TNIK: variants seen among roughly 807,000 people sequenced by gnomAD.
TNIK encodes the protein TRAF2 and NCK interacting kinase.
TNIK carries 49 observed loss-of-function variants against 191.3 expected under a neutral mutation model. That is an observed-to-expected ratio of 0.26 (90% CI 0.20 to 0.32). TNIK has a LOEUF of 0.32. Ranked by LOEUF, TNIK falls within the 10% of genes least tolerant of loss-of-function variation. The pLI, the probability that TNIK is intolerant of heterozygous loss-of-function variation, is 1.00. For synonymous variants in TNIK, 594 were observed against 600.9 expected (o/e 0.99, Z 0.17); for missense variants, 1,155 against 1,702.3 (o/e 0.68, Z 5.66).
At chr3:171,424,594 C>A (rs1056821697) in intron 1 of TNIK, among the ~76,000 whole-genome samples, 4 of 152,074 alleles carry the variant, frequency 2.6e-5, no homozygotes, top group Non-Finnish European at 5.9e-5. Context: ...AAATGTCCAA[C>A]AGTGATAGAC....
chr3:171,234,443 C>G (rs577215922), intron 2 of TNIK, among the ~76,000 whole-genome samples: 9 of 152,322 alleles, frequency 5.9e-5, no homozygotes, highest in African/African-American at 2.2e-4. Flanking sequence ...GGTACCGACT[C>G]AGGATGGTGC....
chr3:171,126,287 T>C (rs1041792710), intron 16 of TNIK, 136 bp from the exon 17 acceptor site: 70 of 1,088,966 alleles, frequency 6.4e-5, no homozygotes, highest in East Asian at 6.0e-4. Context: ...ATCACAACTA[T>C]ATATAGCATG....
Position 171,071,289 on chromosome 3 carries a change from G to A in TNIK, c.3483C>T (p.Ala1161=). 6.2e-7 allele frequency: 1 copy of A among 1,601,792 alleles called. No homozygotes were observed. Among genetic ancestry groups the A allele is most frequent in the Non-Finnish European group, 8.5e-7 (1 of 1,174,426 alleles). ...KYERIKFLVI[A]LKNAVEIYAW... ...CATATATTTCCACAGCATTCTTTAA[G>A]GCAATCACCAAAAATTTGATCCTTT... Residue 1161 remains alanine, a synonymous_variant, in exon 29 of 33, where the codon GCC becomes GCT. Coordinates refer to ENST00000436636, the MANE Select transcript of TNIK (RefSeq NM_015028.4).
At chr3:171,157,729 T>C in intron 11 of TNIK, 65 bp from the exon 12 acceptor site, 1 of 1,501,364 alleles carries the variant, frequency 6.7e-7, no homozygotes, top group Non-Finnish European at 9.0e-7. Context: ...CAAGAGGCCT[T>C]GGAGGAGGAA....
chr3:171,393,986 T>C (rs999687234), intron 1 of TNIK, among the ~76,000 whole-genome samples: 2 of 152,346 alleles, frequency 1.3e-5, no homozygotes, highest in South Asian at 4.1e-4. Context: ...TTTTAGTATA[T>C]AAAATAATAT....
chr3:171,134,175 G>A (rs1423341267), intron 15 of TNIK, among the ~76,000 whole-genome samples: 4 of 152,164 alleles, frequency 2.6e-5, no homozygotes, highest in Admixed American at 2.0e-4. Flanking sequence ...AAATTCTGCC[G>A]ATGTTCAACA....
intron 1 of TNIK, among the ~76,000 whole-genome samples, chr3:171,441,547 A>G (rs1009080240): frequency 2.0e-5 from 3 of 152,178 alleles, no homozygotes; most frequent in South Asian, 2.1e-4. Flanking sequence ...TTGTTTACCT[A>G]TCCATCAGTT....
intron 1 of TNIK, among the ~76,000 whole-genome samples, chr3:171,447,809 A>G (rs948946896): frequency 3.3e-5 from 5 of 152,220 alleles, no homozygotes; most frequent in Non-Finnish European, 7.3e-5. Context: ...TTGAAGCACT[A>G]TTTATCAGTT....
intron 2 of TNIK, among the ~76,000 whole-genome samples, chr3:171,244,004 A>T (rs1407620921): frequency 1.3e-5 from 2 of 151,998 alleles, no homozygotes; most frequent in East Asian, 3.9e-4. Flanking sequence ...AAAAAGCTCA[A>T]GTGCAGAAAA....
chr3:171,182,256 G>C (rs1736759334), intron 7 of TNIK, among the ~76,000 whole-genome samples: 1 of 129,896 alleles, frequency 7.7e-6, no homozygotes, highest in Admixed American at 9.7e-5. Context: ...TATATCCAAA[G>C]TTGCTTGTAA....
intron 22 of TNIK, among the ~76,000 whole-genome samples, chr3:171,094,372 G>A (rs1032868377): frequency 6.6e-6 from 1 of 152,028 alleles, no homozygotes; most frequent in Non-Finnish European, 1.5e-5. Flanking sequence ...TCCTGACCTC[G>A]TGATTTGCCC....
chr3:171,312,995 C>T (rs937029602), intron 2 of TNIK, among the ~76,000 whole-genome samples: 2 of 152,020 alleles, frequency 1.3e-5, no homozygotes, highest in South Asian at 2.1e-4. Context: ...ACGTGGATCT[C>T]GCATCCTCCC....
chr3:171,383,476 A>G (rs1718331220), intron 1 of TNIK, among the ~76,000 whole-genome samples: 1 of 152,206 alleles, frequency 6.6e-6, no homozygotes, highest in Non-Finnish European at 1.5e-5. Context: ...TGGCAACCTG[A>G]CTGGAATGCT....
chr3:171,343,533 T>C, intron 2 of TNIK, among the ~76,000 whole-genome samples: 1 of 152,106 alleles, frequency 6.6e-6, no homozygotes, highest in Non-Finnish European at 1.5e-5. Context: ...ATTTGAACAG[T>C]ATCAATGACT....
intron 2 of TNIK, chr3:171,347,367 T>TCTGCA: frequency 1.2e-5 from 9 of 727,408 alleles, no homozygotes; most frequent in African/African-American, 3.6e-5. Context: ...CCTGCAGAGC[T>TCTGCA]GGCCCTCAGC....
At chr3:171,195,320 C>A in intron 4 of TNIK, among the ~76,000 whole-genome samples, 1 of 152,202 alleles carries the variant, frequency 6.6e-6, no homozygotes, top group Non-Finnish European at 1.5e-5. Context: ...AAAAAGCCAT[C>A]TATGTGCTTT....
In TNIK at chr3:171,095,223, G is replaced by A. The variant is rs114376129; in HGVS notation, c.2592-1255C>T. The stretch of plus-strand genomic sequence containing the variant: ...GATGTTTCCTGTGTCCTGTAGCACA[G>A]AGCACAGTGCCAGGGCTCAAAAAGT... On this transcript the variant is annotated intron_variant, in intron 22 of 32. Transcript: ENST00000436636. 5.3e-3 allele frequency among the ~76,000 whole-genome samples: 807 copies of A among 152,298 alleles called. 12 individuals are homozygous for A. The highest frequency in any genetic ancestry group is 0.018 in the African/African-American group (755 of 41,564).
chr3:171,189,815 A>G (rs565729702), intron 6 of TNIK, among the ~76,000 whole-genome samples: 1 of 152,350 alleles, frequency 6.6e-6, no homozygotes, highest in South Asian at 2.1e-4. Flanking sequence ...TGATACATAT[A>G]TAACTGCTTA....
At position 171,157,704 on chromosome 3, in the gene TNIK, A is replaced by G. The variant is rs1733402554; in HGVS notation, c.1017-40T>C. The G allele has an allele frequency of 2.6e-6, 4 of 1,547,222 alleles. No individual in the cohort carries two copies. The South Asian group carries it at 4.8e-5, about 18-fold the overall frequency. On this transcript the variant is annotated intron_variant, in intron 11 of 32. Transcript: ENST00000436636. ...GAGTGATCAGGATCCCACGTGGGGC[A>G]GGGGCCATGGCTACCAAGAGGCCTT...
Sources: allele counts gnomAD v4.1 joint callset (sites outside exome capture counted in the v4.1 genomes callset), GRCh38; gene constraint gnomAD v4.1.1; transcripts MANE v1.5; gene names NCBI Gene and HGNC (gene_info 2026-07-23, HGNC 2026-07-21).